The following PCDHA2 variants were observed in gnomAD, a reference collection of about 807,000 sequenced individuals.
PCDHA2 encodes the protein protocadherin alpha 2.
Under a neutral mutation model 66.0 loss-of-function variants are expected in PCDHA2, and 58 were observed. The ratio of observed to expected loss-of-function variants is 0.88; its 90% CI spans 0.71 to 1.09. The LOEUF is 1.09. Ranked by LOEUF, PCDHA2 falls within the 50% of genes least tolerant of loss-of-function variation. The pLI is 0.00. For missense variants in PCDHA2, 1,267 were observed against 1,242.3 expected, an observed-to-expected ratio of 1.02 and a Z score of -0.30; for synonymous variants, 634 against 554.0, an observed-to-expected ratio of 1.14 and a Z score of -2.03.
intron 1 of PCDHA2, among the ~76,000 whole-genome samples, chr5:140,942,479 A>G (rs1341688235): frequency 6.6e-6 from 1 of 152,154 alleles, no homozygotes; most frequent in East Asian, 1.9e-4. Flanking sequence ...TTCAAGCTAC[A>G]ACTGAAATAA....
intron 1 of PCDHA2, chr5:140,847,350 T>A (rs1554141746): frequency 6.7e-6 from 1 of 149,796 alleles, no homozygotes; most frequent in Non-Finnish European, 1.5e-5. Context: ...TAGGCTGTTA[T>A]CAGTAGAAAT....
chr5:140,808,107 A>G (rs145409201), intron 1 of PCDHA2: 21,957 of 1,613,848 alleles, frequency 0.014, 186 homozygotes, highest in South Asian at 0.027. Context: ...GTAAAGGGAT[A>G]TATTGACTTT....
intron 1 of PCDHA2, among the ~76,000 whole-genome samples, chr5:140,963,794 A>G (rs2095791576): frequency 6.6e-6 from 1 of 152,248 alleles, no homozygotes; most frequent in Non-Finnish European, 1.5e-5. Flanking sequence ...ACAATAATGT[A>G]CTTAACTAGT....
intron 1 of PCDHA2, among the ~76,000 whole-genome samples, chr5:140,941,550 C>T (rs1489599221): frequency 6.6e-6 from 1 of 151,776 alleles, no homozygotes; most frequent in Non-Finnish European, 1.5e-5. Flanking sequence ...CTCCTGACCT[C>T]GTGATCCATT....
At chr5:140,967,306 C>G (rs1554229415) in intron 1 of PCDHA2, 2 of 1,612,350 alleles carry the variant, frequency 1.2e-6, no homozygotes, top group African/African-American at 2.7e-5. Flanking sequence ...TGGGCGCCAA[C>G]TCAGTACAGA....
chr5:140,911,404 A>G (rs2075457175), intron 1 of PCDHA2, among the ~76,000 whole-genome samples: 1 of 152,174 alleles, frequency 6.6e-6, no homozygotes, highest in African/African-American at 2.4e-5. Flanking sequence ...CAGGTCAGCC[A>G]CTGGTATGAT....
chr5:140,816,370 C>T (rs1765892355), intron 1 of PCDHA2: 1 of 152,098 alleles, frequency 6.6e-6, no homozygotes, highest in South Asian at 2.1e-4. Context: ...TGAATATTTT[C>T]TATCTGCTGA....
At chr5:140,899,884 T>C (rs1467670856) in intron 1 of PCDHA2, among the ~76,000 whole-genome samples, 17 of 152,152 alleles carry the variant, frequency 1.1e-4, no homozygotes, top group African/African-American at 3.9e-4. Flanking sequence ...CAGAACTCAG[T>C]GCAGCCTTGA....
Position 141,011,779 on chromosome 5 carries a change from A to G in PCDHA2, c.*1842A>G, listed in dbSNP as rs1407523783. On this transcript the variant is annotated 3_prime_UTR_variant, in exon 4 of 4. Transcript: ENST00000526136. ...CTTTGAAGTTGCAGAATGCTTTGAAATTCTAATGGTATCTGAAATATCAGC... is the reference window on the plus strand; with the variant it reads ...CTTTGAAGTTGCAGAATGCTTTGAAGTTCTAATGGTATCTGAAATATCAGC... The G allele has an allele frequency of 6.5e-6, 1 of 153,778 alleles. No homozygotes were observed. Among genetic ancestry groups the G allele is most frequent in the East Asian group, 1.9e-4 (1 of 5,202 alleles). 9.5% of individuals were successfully genotyped at this position (153,778 alleles called of 1,614,324 possible).
Position 140,821,873 on chromosome 5 carries a change from C to T in PCDHA2, c.2388+24521C>T, listed in dbSNP as rs144627570. On this transcript the variant is annotated intron_variant, in intron 1 of 3. Coordinates refer to ENST00000526136, the MANE Select transcript of PCDHA2 (RefSeq NM_018905.3). ...GCAGGGAGCGGCCAGCTCCACTACT[C>T]GATCCCGGAGGAAGCCAAACACGGA... is the stretch of plus-strand genomic sequence containing the variant. 1.3e-5 allele frequency: 21 copies of T among 1,614,092 alleles called. No individual in the cohort carries two copies. Among genetic ancestry groups the T allele is most frequent in the African/African-American group, 6.7e-5 (5 of 74,940 alleles).
At chr5:140,821,548 C>T (rs2150109785) in intron 1 of PCDHA2, 2 of 493,744 alleles carry the variant, frequency 4.1e-6, no homozygotes, top group South Asian at 4.1e-5. Context: ...CCCTTTCATC[C>T]ACATGATGTC....
intron 1 of PCDHA2, chr5:140,821,533 A>G: frequency 2.2e-6 from 1 of 462,588 alleles, no homozygotes. Flanking sequence ...AAAATAAAAC[A>G]CTTACCCTTT....
chr5:140,856,660 T>C, intron 1 of PCDHA2: 1 of 1,597,974 alleles, frequency 6.3e-7, no homozygotes, highest in Non-Finnish European at 8.6e-7. Flanking sequence ...GTGAAGAAAA[T>C]CCTCAGCTAA....
chr5:140,844,871 C>A (rs1779583904), intron 1 of PCDHA2, among the ~76,000 whole-genome samples: 2 of 149,246 alleles, frequency 1.3e-5, no homozygotes, highest in African/African-American at 4.9e-5. Context: ...ATATTAAATA[C>A]CCATTAGACT....
intron 1 of PCDHA2, among the ~76,000 whole-genome samples, chr5:140,846,666 G>A (rs1419138961): frequency 6.7e-6 from 1 of 149,080 alleles, no homozygotes; most frequent in Non-Finnish European, 1.5e-5. Flanking sequence ...GAGCCACCGC[G>A]CCCAGCCTAA....
chr5:140,853,955 T>A, intron 1 of PCDHA2: 1 of 752,642 alleles, frequency 1.3e-6, no homozygotes, highest in Non-Finnish European at 1.7e-6. Flanking sequence ...GGTCCCTTCC[T>A]TGAGCCCAGC....
At chr5:140,913,144 A>T (rs1473490766) in intron 1 of PCDHA2, among the ~76,000 whole-genome samples, 4 of 152,180 alleles carry the variant, frequency 2.6e-5, no homozygotes, top group Non-Finnish European at 5.9e-5. Context: ...TTTTTGGAAT[A>T]GTTTGAGTAG....
chr5:140,979,147 C>A (rs2096836802), intron 2 of PCDHA2, 140 bp downstream of exon 2: 2 of 1,442,248 alleles, frequency 1.4e-6, no homozygotes, highest in African/African-American at 2.9e-5. Flanking sequence ...ATTATTTTGT[C>A]CCCATGTTTA....
chr5:140,843,177 G>C lies in PCDHA2; in HGVS notation c.2388+45825G>C. ...CTGCAGCCAGCTGCAAGCAGCCCTC[G>C]CATCCCGTTCCGCGTGGGGCTGTAC... On this transcript the variant is annotated intron_variant, in intron 1 of 3. Transcript: ENST00000526136. 3.1e-6 allele frequency: 5 copies of C among 1,596,056 alleles called. 2 individuals are homozygous for C. Among genetic ancestry groups the C allele is most frequent in the Non-Finnish European group, 4.3e-6 (5 of 1,165,590 alleles).
Sources: gnomAD v4.1 joint callset for allele counts (sites outside exome capture counted in the v4.1 genomes callset) on GRCh38, gnomAD v4.1.1 for gene constraint, MANE v1.5 for transcripts, NCBI Gene and HGNC (gene_info 2026-07-23, HGNC 2026-07-21) for gene names.